The following EYA4 variants were observed in gnomAD, a reference collection of about 807,000 sequenced individuals.
The protein encoded by EYA4 is protein phosphatase EYA4.
A neutral mutation model predicts 87.9 loss-of-function variants in EYA4; 31 were observed. The observed-to-expected ratio is 0.35, with a 90% CI of 0.27 to 0.48. The LOEUF is 0.48. EYA4 is among the 20% of genes least tolerant of loss of function. The pLI is 0.99. For synonymous variants in EYA4, 263 were observed against 270.6 expected (o/e 0.97, Z 0.28); for missense variants, 678 against 761.4 (o/e 0.89, Z 1.29).
At chr6:133,503,596 A>C (rs1297986322) in intron 13 of EYA4, among the ~76,000 whole-genome samples, 1 of 152,190 alleles carries the variant, frequency 6.6e-6, no homozygotes, top group Non-Finnish European at 1.5e-5. Context: ...TTTTCATGCT[A>C]TAATTACATT....
rs1451444534 is a variant in EYA4 at position 133,530,455 on chromosome 6, T to C, written c.*1650T>C. ...TTTAAGAACTAGAGTATTTTTATGG[T>C]GTCTGCACCTGCAGTTCTGTGTTTA... On this transcript the variant is annotated 3_prime_UTR_variant, in exon 20 of 20. Coordinates refer to ENST00000355286, the MANE Select transcript of EYA4 (RefSeq NM_004100.5). 2.0e-6 allele frequency: 2 copies of C among 985,608 alleles called. No individual in the cohort carries two copies. The highest frequency in any genetic ancestry group is 2.4e-6 in the Non-Finnish European group (2 of 829,934). The allele number at this position is 985,608 out of a possible 1,614,324, so 61.1% of individuals were successfully genotyped here. A position where few individuals can be genotyped will look rare whatever the true frequency, so the allele number is the denominator to read the frequency against.
At chr6:133,430,779 T>C (rs568533495) in intron 3 of EYA4, among the ~76,000 whole-genome samples, 1 of 152,354 alleles carries the variant, frequency 6.6e-6, no homozygotes, top group South Asian at 2.1e-4. Context: ...GCACTTATTA[T>C]GTGACAGGCC....
intron 3 of EYA4, among the ~76,000 whole-genome samples, chr6:133,439,910 G>T (rs908639730): frequency 2.0e-5 from 3 of 152,156 alleles, no homozygotes; most frequent in Admixed American, 2.0e-4. Context: ...GGGCTTAAAG[G>T]TTATCTCCCA....
intron 3 of EYA4, among the ~76,000 whole-genome samples, chr6:133,445,064 T>C (rs1384262074): frequency 1.3e-5 from 2 of 152,218 alleles, no homozygotes; most frequent in East Asian, 1.9e-4. Context: ...TTCTTTAAAA[T>C]GCTGCTTTAA....
Position 133,407,251 on chromosome 6 carries a change from GTTT to G in EYA4, c.83+24826_83+24828del, listed in dbSNP as rs55910301. Among the ~76,000 whole-genome samples, 1,169 of 130,814 alleles carry G rather than the reference GTTT, an allele frequency of 8.9e-3. 8 individuals carry two copies. The highest frequency in any genetic ancestry group is 0.023 in the Middle Eastern group (5 of 218). The allele number at this position is 130,814 out of a possible 152,430, so 85.8% of individuals were successfully genotyped here. A position where few individuals can be genotyped will look rare whatever the true frequency, so the allele number is the denominator to read the frequency against. On this transcript the variant is annotated intron_variant, in intron 3 of 19. Coordinates refer to ENST00000355286, the MANE Select transcript of EYA4 (RefSeq NM_004100.5). ...ACACTGTGAAATAAAGGAGTCTAGG[GTTT>G]TTTTTTTTTTTTTTTGGAAGGAAAC...
At chr6:133,355,073 C>A (rs1235746288) in intron 2 of EYA4, among the ~76,000 whole-genome samples, 1 of 152,084 alleles carries the variant, frequency 6.6e-6, no homozygotes, top group Admixed American at 6.5e-5. Context: ...AAAATAGTTT[C>A]TTTTTCCTTT....
In EYA4 at chr6:133,443,664, ACTT is replaced by A. The variant is rs1035881880; in HGVS notation, c.84-2963_84-2961del. The stretch of plus-strand genomic sequence containing the variant: ...CTAATATAACCATTTAAAGGTATAA[ACTT>A]CTCATTAATCACTACTTTATTTACA... On this transcript the variant is annotated intron_variant, in intron 3 of 19. Coordinates refer to ENST00000355286, the MANE Select transcript of EYA4 (RefSeq NM_004100.5). 3.3e-5 allele frequency among the ~76,000 whole-genome samples: 5 copies of A among 152,224 alleles called. No homozygotes were observed. The East Asian group carries it at 7.7e-4, about 23-fold the overall frequency.
intron 1 of EYA4, among the ~76,000 whole-genome samples, chr6:133,262,200 A>G (rs987556293): frequency 6.6e-6 from 1 of 152,208 alleles, no homozygotes; most frequent in African/African-American, 2.4e-5. Flanking sequence ...ATAGTCATAT[A>G]CTCTTGATCA....
At chr6:133,428,793 A>C (rs987606438) in intron 3 of EYA4, among the ~76,000 whole-genome samples, 1 of 152,140 alleles carries the variant, frequency 6.6e-6, no homozygotes, top group Non-Finnish European at 1.5e-5. Flanking sequence ...AGTCTCCAGC[A>C]AAGTGCTCCT....
chr6:133,354,286 C>G (rs1783852354), intron 2 of EYA4, among the ~76,000 whole-genome samples: 1 of 152,036 alleles, frequency 6.6e-6, no homozygotes, highest in South Asian at 2.1e-4. Flanking sequence ...AAGTTGTTAT[C>G]TTTAACTACC....
At chr6:133,433,525 T>C (rs1049244708) in intron 3 of EYA4, among the ~76,000 whole-genome samples, 5 of 152,174 alleles carry the variant, frequency 3.3e-5, no homozygotes, top group Non-Finnish European at 7.3e-5. Flanking sequence ...CCAGCTAATT[T>C]TTGTATTTTT....
chr6:133,528,675 C>T (rs780839697), intron 19 of EYA4, 50 bp from the exon 20 acceptor site: 2 of 1,276,470 alleles, frequency 1.6e-6, no homozygotes, highest in Non-Finnish European at 2.3e-6. Flanking sequence ...CTCTCCATGC[C>T]TCATTCCTTC....
chr6:133,369,995 G>T (rs1248053058), intron 2 of EYA4, among the ~76,000 whole-genome samples: 2 of 152,148 alleles, frequency 1.3e-5, no homozygotes. Flanking sequence ...GAAAGCCATT[G>T]GTCGGAACCA....
intron 13 of EYA4, among the ~76,000 whole-genome samples, chr6:133,494,414 T>C (rs571978404): frequency 5.9e-5 from 9 of 152,110 alleles, no homozygotes; most frequent in Non-Finnish European, 1.3e-4. Flanking sequence ...GGAAGGGTAG[T>C]TGTTGAGGGG....
chr6:133,441,697 A>G (rs1792311325), intron 3 of EYA4, among the ~76,000 whole-genome samples: 1 of 152,140 alleles, frequency 6.6e-6, no homozygotes, highest in South Asian at 2.1e-4. Flanking sequence ...AGGGCGGAGC[A>G]GGTAGTAGGT....
At chr6:133,322,430 A>T (rs1781162536) in intron 2 of EYA4, among the ~76,000 whole-genome samples, 1 of 152,202 alleles carries the variant, frequency 6.6e-6, no homozygotes, top group South Asian at 2.1e-4. Flanking sequence ...TTTTTCTATA[A>T]GAAACACATG....
chr6:133,374,990 T>C (rs1785561452), intron 2 of EYA4, among the ~76,000 whole-genome samples: 1 of 152,046 alleles, frequency 6.6e-6, no homozygotes, highest in African/African-American at 2.4e-5. Flanking sequence ...TGTATAAACA[T>C]ATTAAAACAG....
chr6:133,260,505 T>C (rs1775714788), intron 1 of EYA4, among the ~76,000 whole-genome samples: 1 of 152,208 alleles, frequency 6.6e-6, no homozygotes, highest in South Asian at 2.1e-4. Context: ...CCCAATGTGC[T>C]GGGATTACAG....
intron 2 of EYA4, among the ~76,000 whole-genome samples, chr6:133,340,615 C>T (rs1180384895): frequency 1.3e-5 from 2 of 152,058 alleles, no homozygotes; most frequent in African/African-American, 4.8e-5. Flanking sequence ...TGTGCACTGG[C>T]CCCAAGGCAG....
Sources: gnomAD v4.1 joint callset for allele counts (sites outside exome capture counted in the v4.1 genomes callset) on GRCh38, gnomAD v4.1.1 for gene constraint, MANE v1.5 for transcripts, NCBI Gene and HGNC (gene_info 2026-07-23, HGNC 2026-07-21) for gene names.